The following UVRAG variants were observed in gnomAD, a reference collection of about 807,000 sequenced individuals.
UVRAG encodes UV radiation resistance-associated gene protein.
A neutral mutation model predicts 78.0 loss-of-function variants in UVRAG; 19 were observed. That is an observed-to-expected ratio of 0.24 (90% CI 0.17 to 0.36). UVRAG has a LOEUF of 0.36. Ranked by LOEUF, UVRAG falls within the 10% of genes least tolerant of loss-of-function variation. UVRAG has a pLI of 1.00. For missense variants in UVRAG, 740 were observed against 853.8 expected, an observed-to-expected ratio of 0.87 and a Z score of 1.66; for synonymous variants, 323 against 324.6, an observed-to-expected ratio of 1.00 and a Z score of 0.05.
At chr11:75,918,291 A>G (rs1947903715) in intron 6 of UVRAG, among the ~76,000 whole-genome samples, 1 of 151,640 alleles carries the variant, frequency 6.6e-6, no homozygotes, top group East Asian at 1.9e-4. Context: ...AGGCAGGAGA[A>G]TGGCGTGAAC....
At chr11:76,008,528 A>G (rs1430010756) in intron 10 of UVRAG, among the ~76,000 whole-genome samples, 1 of 152,226 alleles carries the variant, frequency 6.6e-6, no homozygotes, top group East Asian at 1.9e-4. Context: ...AACCATTTAT[A>G]TATGTGAATG....
intron 7 of UVRAG, among the ~76,000 whole-genome samples, chr11:75,982,261 A>G (rs1458026706): frequency 6.6e-6 from 1 of 152,132 alleles, no homozygotes; most frequent in Non-Finnish European, 1.5e-5. Context: ...CAGATTCCCT[A>G]TGCAGCTTCC....
At chr11:76,120,838 C>T (rs1208080221) in intron 14 of UVRAG, among the ~76,000 whole-genome samples, 2 of 152,142 alleles carry the variant, frequency 1.3e-5, no homozygotes, top group Non-Finnish European at 2.9e-5. Flanking sequence ...CGAGAGCAGC[C>T]GTGGAGTGAG....
chr11:76,094,818 G>A (rs1951760935), intron 13 of UVRAG, among the ~76,000 whole-genome samples: 1 of 152,164 alleles, frequency 6.6e-6, no homozygotes, highest in South Asian at 2.1e-4. Flanking sequence ...CTTGGAGCAT[G>A]TGGACAGGGA....
chr11:75,942,347 C>T (rs1395146436), intron 6 of UVRAG: 2 of 153,158 alleles, frequency 1.3e-5, no homozygotes, highest in Non-Finnish European at 2.9e-5. Context: ...CACTATTGTC[C>T]TGTCTAATGA....
At chr11:76,048,566 A>G (rs560622258) in intron 12 of UVRAG, among the ~76,000 whole-genome samples, 1 of 152,326 alleles carries the variant, frequency 6.6e-6, no homozygotes, top group South Asian at 2.1e-4. Flanking sequence ...TCCATGCTTA[A>G]CAAAATGACT....
chr11:76,038,937 A>C (rs7127603), intron 12 of UVRAG, among the ~76,000 whole-genome samples: 1 of 152,166 alleles, frequency 6.6e-6, no homozygotes, highest in Non-Finnish European at 1.5e-5. Flanking sequence ...TGAGCTACAC[A>C]TGAGAAGCCT....
At chr11:76,113,228 A>G (rs1565166334) in intron 13 of UVRAG, among the ~76,000 whole-genome samples, 1 of 152,360 alleles carries the variant, frequency 6.6e-6, no homozygotes, top group Non-Finnish European at 1.5e-5. Flanking sequence ...ATGATATTGA[A>G]TGTATTGAGA....
At chr11:76,098,942 C>A (rs1951831869) in intron 13 of UVRAG, among the ~76,000 whole-genome samples, 1 of 152,166 alleles carries the variant, frequency 6.6e-6, no homozygotes, top group Non-Finnish European at 1.5e-5. Flanking sequence ...CCACTACTCC[C>A]AGACATGCAT....
At chr11:75,830,039 C>T (rs1009109856) in intron 1 of UVRAG, among the ~76,000 whole-genome samples, 3 of 151,630 alleles carry the variant, frequency 2.0e-5, no homozygotes, top group Non-Finnish European at 4.4e-5. Context: ...GGGGTTTTGA[C>T]ATGTTTGCCA....
intron 6 of UVRAG, among the ~76,000 whole-genome samples, chr11:75,933,377 A>C (rs1450968640): frequency 6.6e-6 from 1 of 152,212 alleles, no homozygotes; most frequent in Non-Finnish European, 1.5e-5. Context: ...TAAAGACATG[A>C]ATCTAAGACC....
intron 14 of UVRAG, among the ~76,000 whole-genome samples, chr11:76,133,937 T>C (rs977141430): frequency 6.6e-6 from 1 of 151,632 alleles, no homozygotes; most frequent in African/African-American, 2.4e-5. Flanking sequence ...TTTTATACTT[T>C]TTTTTTTCTT....
intron 7 of UVRAG, among the ~76,000 whole-genome samples, chr11:75,974,520 C>T (rs1248772911): frequency 6.6e-6 from 1 of 151,456 alleles, no homozygotes; most frequent in Admixed American, 6.6e-5. Context: ...GCACCCGCCA[C>T]CGCGCCCGGC....
chr11:75,828,799 ATATATAT>A lies in UVRAG; in HGVS notation c.117+13277_117+13283del, dbSNP rs1466089474. Among the ~76,000 whole-genome samples, 66 of 80,056 alleles carry A rather than the reference ATATATAT, an allele frequency of 8.2e-4. 1 individual carries two copies. The East Asian group carries it at 0.016, about 20-fold the overall frequency. 52.5% of individuals were successfully genotyped at this position (80,056 alleles called of 152,430 possible). ...TACACACATATATATATATATATAT[ATATATAT>A]TTTTTTTTTTTTGTAGAGACAGGGT... On this transcript the variant is annotated intron_variant, in intron 1 of 14. Transcript: ENST00000356136.
intron 3 of UVRAG, among the ~76,000 whole-genome samples, chr11:75,877,305 C>T (rs1029582969): frequency 7.9e-5 from 12 of 152,208 alleles, no homozygotes; most frequent in South Asian, 2.1e-4. Context: ...CACCTTTCCC[C>T]GCTTTCTATT....
At chr11:75,850,241 C>T (rs1946125464) in intron 1 of UVRAG, among the ~76,000 whole-genome samples, 1 of 152,264 alleles carries the variant, frequency 6.6e-6, no homozygotes. Flanking sequence ...AGATTTAGTT[C>T]TAGGGTTGCC....
intron 5 of UVRAG, 86 bp downstream of exon 5, chr11:75,888,989 C>A: frequency 1.8e-6 from 2 of 1,098,616 alleles, no homozygotes; most frequent in South Asian, 1.8e-5. Flanking sequence ...CCTGAAAACT[C>A]TGTGTAAATA....
At chr11:75,869,460 T>A (rs1180081457) in intron 3 of UVRAG, among the ~76,000 whole-genome samples, 1 of 152,178 alleles carries the variant, frequency 6.6e-6, no homozygotes, top group Non-Finnish European at 1.5e-5. Flanking sequence ...GAATTAACAT[T>A]GAGTGTGTGT....
intron 11 of UVRAG, among the ~76,000 whole-genome samples, chr11:76,010,664 CTG>C (rs1359302532): frequency 6.6e-6 from 1 of 152,136 alleles, no homozygotes; most frequent in African/African-American, 2.4e-5. Context: ...ATATCTATAT[CTG>C]TAATTTCTTG....
Sources: allele counts gnomAD v4.1 joint callset (sites outside exome capture counted in the v4.1 genomes callset), GRCh38; gene constraint gnomAD v4.1.1; transcripts MANE v1.5; gene names NCBI Gene and HGNC (gene_info 2026-07-23, HGNC 2026-07-21).